The following NOTCH2 variants were observed in gnomAD, a reference collection of about 807,000 sequenced individuals.
NOTCH2 encodes the protein notch receptor 2, also known as neurogenic locus notch homolog protein 2.
In NOTCH2, 29 loss-of-function variants were observed where a neutral mutation model predicts 235.8. That is an observed-to-expected ratio of 0.12 (90% CI 0.09 to 0.17). NOTCH2 has a LOEUF of 0.17. NOTCH2 is among the 10% of genes least tolerant of loss of function. The pLI is 1.00. For missense variants in NOTCH2, 2,285 were observed against 3,150.2 expected (o/e 0.73, Z 6.57); for synonymous variants, 1,086 against 1,141.5 (o/e 0.95, Z 0.98).
chr1:120,010,739 CTT>C, intron 2 of NOTCH2, among the ~76,000 whole-genome samples: 1 of 152,312 alleles, frequency 6.6e-6, no homozygotes, highest in South Asian at 2.1e-4. Flanking sequence ...TGAGAAAGCT[CTT>C]TCTTTCTTAA....
At chr1:119,948,615 C>G in intron 16 of NOTCH2, 49 bp from the exon 17 acceptor site, 1 of 1,609,692 alleles carries the variant, frequency 6.2e-7, no homozygotes, top group South Asian at 1.1e-5. Flanking sequence ...AGCTGATTCC[C>G]ACAAAAATCT....
rs1648955118 is a variant in NOTCH2 at position 119,913,369 on chromosome 1, C to T, written c.*1937G>A. The T allele has an allele frequency of 1.7e-5, 4 of 233,114 alleles. No homozygotes were observed. Among genetic ancestry groups the T allele is most frequent in the Admixed American group, 5.6e-5 (1 of 17,776 alleles). 14.4% of individuals were successfully genotyped at this position (233,114 alleles called of 1,614,324 possible). ...CATATGGGGCCACCGACAGACAAAT[C>T]AGGTAAGTGGGAAGCACTGATGCAT... On this transcript the variant is annotated 3_prime_UTR_variant, in exon 34 of 34. Coordinates refer to ENST00000256646, the MANE Select transcript of NOTCH2 (RefSeq NM_024408.4).
intron 1 of NOTCH2, among the ~76,000 whole-genome samples, chr1:120,034,335 C>CAAAAAAA (rs558577685): frequency 5.4e-5 from 3 of 55,796 alleles, no homozygotes; most frequent in African/African-American, 4.4e-4. Context: ...TCTACTCCAC[C>CAAAAAAA]AAAAAAAAAA....
chr1:120,029,145 TCTCA>T (rs782537580), intron 2 of NOTCH2, among the ~76,000 whole-genome samples: 6 of 148,636 alleles, frequency 4.0e-5, no homozygotes, highest in East Asian at 2.0e-4. Context: ...CATCTTCCTC[TCTCA>T]CTGTCTCACT....
chr1:119,999,936 AAAGAAAG>A (rs1267116061), intron 3 of NOTCH2, among the ~76,000 whole-genome samples: 2 of 106,026 alleles, frequency 1.9e-5, no homozygotes, highest in East Asian at 4.9e-4. Context: ...AGAAAGAAAG[AAAGAAAG>A]AAAGAAAGAA....
chr1:119,931,226 C>A (rs587687209), intron 22 of NOTCH2, among the ~76,000 whole-genome samples: 1 of 150,840 alleles, frequency 6.6e-6, no homozygotes, highest in Non-Finnish European at 1.5e-5. Flanking sequence ...GCCCAATTTT[C>A]AAAAGCAATT....
chr1:120,069,339 G>A lies in NOTCH2; in HGVS notation c.68C>T (p.Ala23Val), dbSNP rs782502909. ...LALWLCCAAP[A>V]HALQCRDGYE... ...CCCCTCAGCCCGATACTCACCATGC[G>A]CGGGGGCCGCGCAGCACAGCCAGAG... Residue 23 changes from alanine to valine, a missense_variant, in exon 1 of 34, where the codon GCG becomes GTG. Coordinates refer to ENST00000256646, the MANE Select transcript of NOTCH2 (RefSeq NM_024408.4). 4 of 1,568,614 alleles carry A rather than the reference G, an allele frequency of 2.6e-6. No homozygotes were observed. The highest frequency in any genetic ancestry group is 1.7e-5 in the Admixed American group (1 of 57,246).
chr1:119,916,598 T>C lies in NOTCH2; in HGVS notation c.6124A>G (p.Met2042Val), dbSNP rs1244625283. 1 of 1,614,056 alleles carries C rather than the reference T, an allele frequency of 6.2e-7. No individual in the cohort carries two copies. The highest frequency in any genetic ancestry group is 1.3e-5 in the African/African-American group (1 of 74,914). ...HFANRDITDHMDRLPRDVARD... is the reference protein window; with the variant it reads ...HFANRDITDHVDRLPRDVARD... ...GCCACATCCCGGGGAAGACGATCCA[T>C]ATGGTCTGTGATGTCTCGATTGGCA... The change falls in exon 34 of 34, where the codon ATG (methionine) becomes GTG (valine). Residue 2042 changes from methionine to valine, a missense_variant. This residue lies in a region of NOTCH2 where 128 missense variants were observed against 255.9 expected (regional missense o/e 0.50). Coordinates refer to ENST00000256646, the MANE Select transcript of NOTCH2 (RefSeq NM_024408.4).
intron 29 of NOTCH2, among the ~76,000 whole-genome samples, chr1:119,921,062 G>T (rs942674211): frequency 6.6e-6 from 1 of 152,188 alleles, no homozygotes; most frequent in Admixed American, 6.5e-5. Flanking sequence ...TTACAAAGAG[G>T]TTAAGTAACT....
intron 24 of NOTCH2, 115 bp from the exon 25 acceptor site, chr1:119,925,925 C>G (rs1649458402): frequency 6.4e-6 from 8 of 1,256,038 alleles, no homozygotes; most frequent in Non-Finnish European, 9.1e-6. Context: ...TCCCGTTCAG[C>G]CCAAGCCAAG....
chr1:119,934,342 G>A (rs1570671178), intron 22 of NOTCH2, among the ~76,000 whole-genome samples: 1 of 152,074 alleles, frequency 6.6e-6, no homozygotes, highest in Admixed American at 6.5e-5. Context: ...CTTAGTCTCA[G>A]GTATTCTTTT....
At chr1:120,000,174 A>C (rs1236222669) in intron 3 of NOTCH2, among the ~76,000 whole-genome samples, 1 of 151,834 alleles carries the variant, frequency 6.6e-6, no homozygotes, top group African/African-American at 2.4e-5. Context: ...TATCACAAAA[A>C]CCAAAAGGAT....
chr1:119,922,029 A>G (rs1392277682), intron 28 of NOTCH2, among the ~76,000 whole-genome samples: 1 of 152,120 alleles, frequency 6.6e-6, no homozygotes, highest in Non-Finnish European at 1.5e-5. Context: ...CTCAACACAG[A>G]AGCTGGGCGG....
At chr1:119,954,424 C>T (rs1446162387) in intron 13 of NOTCH2, among the ~76,000 whole-genome samples, 1 of 152,092 alleles carries the variant, frequency 6.6e-6, no homozygotes, top group Non-Finnish European at 1.5e-5. Flanking sequence ...ACTCTTTATC[C>T]TTTCATCTTT....
intron 17 of NOTCH2, among the ~76,000 whole-genome samples, chr1:119,944,866 A>C (rs1467037207): frequency 6.6e-6 from 1 of 152,196 alleles, no homozygotes; most frequent in African/African-American, 2.4e-5. Context: ...GACTACACAA[A>C]ATATTCAAGG....
At chr1:119,939,075 T>G (rs1649972042) in intron 19 of NOTCH2, among the ~76,000 whole-genome samples, 1 of 152,158 alleles carries the variant, frequency 6.6e-6, no homozygotes. Flanking sequence ...CATGTCCACT[T>G]CACCCAACAT....
intron 3 of NOTCH2, among the ~76,000 whole-genome samples, chr1:119,999,976 A>AAAGAAAGAAAGAAAGGAAGG (rs1270244149): frequency 5.1e-4 from 29 of 56,638 alleles, no homozygotes; most frequent in East Asian, 9.7e-4. Flanking sequence ...AGAAAGAAAG[A>AAAGAAAGAAAGAAAGGAAGG]AAGGAAGGAA....
At chr1:120,065,498 A>T (rs2799241) in intron 1 of NOTCH2, among the ~76,000 whole-genome samples, 1,476 of 142,686 alleles carry the variant, frequency 0.01, no homozygotes, top group African/African-American at 0.03. Flanking sequence ...GGAAGCAATG[A>T]GGACAGTGAA....
chr1:119,944,533 T>TAAAA (rs59660919), intron 17 of NOTCH2, among the ~76,000 whole-genome samples: 2 of 63,174 alleles, frequency 3.2e-5, no homozygotes, highest in Admixed American at 2.0e-4. Flanking sequence ...AGACTCAGTC[T>TAAAA]AAAAAAAAAA....
Sources: allele counts gnomAD v4.1 joint callset (sites outside exome capture counted in the v4.1 genomes callset), GRCh38; gene constraint gnomAD v4.1.1; regional missense constraint gnomAD v4.1.1; transcripts MANE v1.5; gene names NCBI Gene and HGNC (gene_info 2026-07-23, HGNC 2026-07-21).